IRAG2: variants seen among roughly 807,000 people sequenced by gnomAD.
IRAG2 encodes lymphoid restricted membrane protein.
Under a neutral mutation model 69.9 loss-of-function variants are expected in IRAG2, and 45 were observed. That is an observed-to-expected ratio of 0.64 (90% confidence interval 0.51 to 0.83). The LOEUF is 0.83. IRAG2 is among the 40% of genes least tolerant of loss of function. IRAG2 has a pLI of 0.00. For synonymous variants in IRAG2, 193 were observed against 202.4 expected, an observed-to-expected ratio of 0.95 and a Z score of 0.40; for missense variants, 520 against 587.0, an observed-to-expected ratio of 0.89 and a Z score of 1.18.
chr12:25,106,229 A>G (rs983715774), intron 20 of IRAG2, among the ~76,000 whole-genome samples: 3 of 151,594 alleles, frequency 2.0e-5, no homozygotes, highest in African/African-American at 7.3e-5. Context: ...CTAATGTTAA[A>G]TAAAATTTAA....
intron 6 of IRAG2, among the ~76,000 whole-genome samples, chr12:25,077,485 G>A (rs940492912): frequency 1.3e-5 from 2 of 149,480 alleles, no homozygotes; most frequent in African/African-American, 4.9e-5. Context: ...CCATTATCAC[G>A]TAACTACAAT....
At chr12:25,101,397 AT>A in intron 16 of IRAG2, 72 bp downstream of exon 16, 1 of 1,073,630 alleles carries the variant, frequency 9.3e-7, no homozygotes, top group Non-Finnish European at 1.3e-6. Flanking sequence ...AAGTCTTATT[AT>A]TACTTCAGTA....
At chr12:25,060,517 G>A (rs73282866) in intron 1 of IRAG2, among the ~76,000 whole-genome samples, 2,383 of 151,920 alleles carry the variant, frequency 0.016, 63 homozygotes, top group African/African-American at 0.054. Flanking sequence ...CTTTTCAATC[G>A]TCTGCACATC....
intron 4 of IRAG2, among the ~76,000 whole-genome samples, chr12:25,064,159 G>A (rs1011288220): frequency 6.6e-6 from 1 of 152,124 alleles, no homozygotes; most frequent in East Asian, 1.9e-4. Context: ...TCCTAAAGTA[G>A]CTCACAGACT....
chr12:25,013,886 T>TTC (rs2139824677), intron 3 of IRAG2, among the ~76,000 whole-genome samples: 1 of 135,700 alleles, frequency 7.4e-6, no homozygotes, highest in Admixed American at 7.4e-5. Flanking sequence ...TTTTTTTTTT[T>TTC]TTTTTTGAGA....
chr12:25,049,982 CAAAAAAAAAAA>C (rs56185966), upstream of IRAG2, among the ~76,000 whole-genome samples: 55 of 71,260 alleles, frequency 7.7e-4, 1 homozygote, highest in Admixed American at 1.8e-3. Flanking sequence ...AACTGTGTCT[CAAAAAAAAAAA>C]AAAAAAAAAA....
chr12:25,098,447 G>A (rs10842466), intron 15 of IRAG2, among the ~76,000 whole-genome samples: 68,222 of 151,992 alleles, frequency 0.45, 17,461 homozygotes, highest in East Asian at 0.8. Flanking sequence ...AAGCCTCCCA[G>A]CGTGTGAATC....
At chr12:25,100,765 A>C (rs1346011945) in intron 15 of IRAG2, 1 of 153,696 alleles carries the variant, frequency 6.5e-6, no homozygotes, top group African/African-American at 2.4e-5. Flanking sequence ...TCTTTCACCA[A>C]AATAGTGGAG....
chr12:25,090,470 A>C (rs1464179997), intron 14 of IRAG2, among the ~76,000 whole-genome samples: 1 of 152,094 alleles, frequency 6.6e-6, no homozygotes, highest in Non-Finnish European at 1.5e-5. Context: ...ATTTGAGCCC[A>C]GGAGTTGGAG....
upstream of IRAG2, among the ~76,000 whole-genome samples, chr12:25,048,023 C>T (rs904058321): frequency 5.3e-5 from 8 of 152,128 alleles, no homozygotes; most frequent in Non-Finnish European, 8.8e-5. Flanking sequence ...CTATTTAGAT[C>T]TTTGAGGAAT....
At chr12:25,001,413 T>A (rs1944390093), upstream of IRAG2, among the ~76,000 whole-genome samples, 1 of 151,886 alleles carries the variant, frequency 6.6e-6, no homozygotes, top group Admixed American at 6.6e-5. Flanking sequence ...ACCACTGCAC[T>A]CCAGCCTGGG....
rs1173123931 is a variant in IRAG2, at chr12:25,059,481, A to C, written c.-446-2111A>C. 2.6e-5 allele frequency among the ~76,000 whole-genome samples: 4 copies of C among 152,152 alleles called. No individual in the cohort carries two copies. The South Asian group carries it at 8.3e-4, about 32-fold the overall frequency. The stretch of plus-strand genomic sequence containing the variant: ...ATTCTCCTGCCTCAGCCTCCTGAGT[A>C]GGTGGGACTACAGGTGTGTGCTACC... On this transcript the variant is annotated intron_variant, in intron 1 of 21. Transcript: ENST00000556887.
At chr12:25,036,403 A>T (rs551191589) in intron 14 of IRAG2, among the ~76,000 whole-genome samples, 52 of 152,340 alleles carry the variant, frequency 3.4e-4, no homozygotes, top group African/African-American at 1.3e-3. Flanking sequence ...GCACCTGATG[A>T]TATAGCATAT....
chr12:25,014,382 CTG>C (rs1425724480), intron 3 of IRAG2, among the ~76,000 whole-genome samples: 1 of 152,160 alleles, frequency 6.6e-6, no homozygotes, highest in Non-Finnish European at 1.5e-5. Context: ...AGTCAGAACT[CTG>C]TGTGAGTTCT....
intron 9 of IRAG2, among the ~76,000 whole-genome samples, chr12:25,028,556 A>G (rs1565529561): frequency 6.6e-6 from 1 of 152,230 alleles, no homozygotes; most frequent in Non-Finnish European, 1.5e-5. Context: ...TTAAGAAATT[A>G]TACCTTACAA....
chr12:25,104,112 C>A, intron 19 of IRAG2, 54 bp downstream of exon 19: 1 of 1,486,548 alleles, frequency 6.7e-7, no homozygotes, highest in Non-Finnish European at 9.3e-7. Context: ...TATACTTGGG[C>A]TAACCTAAAT....
intron 2 of IRAG2, among the ~76,000 whole-genome samples, chr12:25,010,265 C>T (rs1023364133): frequency 2.0e-5 from 3 of 152,052 alleles, no homozygotes; most frequent in African/African-American, 7.2e-5. Flanking sequence ...TCCCTTAAGT[C>T]CAGAAGTTCA....
chr12:25,087,112 C>T (rs1231412074), intron 10 of IRAG2, among the ~76,000 whole-genome samples: 2 of 148,638 alleles, frequency 1.3e-5, no homozygotes, highest in African/African-American at 4.9e-5. Flanking sequence ...GCAGAAATTC[C>T]ATGCTACTCA....
At chr12:25,023,800 T>C (rs980533726) in intron 7 of IRAG2, 1 of 751,986 alleles carries the variant, frequency 1.3e-6, no homozygotes, top group African/African-American at 1.8e-5. Context: ...ATGTCAGCCT[T>C]GGAGGTAAAT....
Sources: allele counts gnomAD v4.1 joint callset (sites outside exome capture counted in the v4.1 genomes callset), GRCh38; gene constraint gnomAD v4.1.1; transcripts MANE v1.5; gene names NCBI Gene and HGNC (gene_info 2026-07-23, HGNC 2026-07-21).